The following ITGB6 variants were observed in gnomAD, a reference collection of about 807,000 sequenced individuals.
The protein encoded by ITGB6 is integrin beta-6.
Under a neutral mutation model 84.5 loss-of-function variants are expected in ITGB6, and 80 were observed. The ratio of observed to expected loss-of-function variants is 0.95; its 90% CI spans 0.79 to 1.14. ITGB6 has a LOEUF of 1.14. Among genes scored for constraint, ITGB6 ranks in the 50% most tolerant of loss-of-function variants. The pLI, the probability that ITGB6 is intolerant of heterozygous loss-of-function variation, is 0.00. For synonymous variants in ITGB6, 383 were observed against 354.9 expected (o/e 1.08, Z -0.89); for missense variants, 1,006 against 968.0 (o/e 1.04, Z -0.52).
At chr2:160,140,354 G>A (rs981389861) in intron 8 of ITGB6, among the ~76,000 whole-genome samples, 10 of 152,186 alleles carry the variant, frequency 6.6e-5, no homozygotes, top group Non-Finnish European at 1.0e-4. Context: ...TACCCTGTAA[G>A]TTGCGTGAAG....
intron 4 of ITGB6, among the ~76,000 whole-genome samples, chr2:160,195,101 C>T (rs1208049240): frequency 6.6e-6 from 1 of 152,188 alleles, no homozygotes; most frequent in African/African-American, 2.4e-5. Flanking sequence ...GTTCCCTCGC[C>T]TGCATAACAC....
At chr2:160,118,127 C>G (rs1270359016) in intron 12 of ITGB6, among the ~76,000 whole-genome samples, 8 of 152,082 alleles carry the variant, frequency 5.3e-5, no homozygotes, top group Non-Finnish European at 1.2e-4. Flanking sequence ...CTATTCCAAT[C>G]AATAGAAAAA....
intron 8 of ITGB6, among the ~76,000 whole-genome samples, chr2:160,141,114 G>A (rs1159084741): frequency 2.0e-5 from 3 of 152,010 alleles, no homozygotes; most frequent in South Asian, 2.1e-4. Context: ...CAGGAGAATT[G>A]TTATTCACTT....
intron 8 of ITGB6, among the ~76,000 whole-genome samples, chr2:160,141,140 C>T (rs1369499070): frequency 4.0e-5 from 6 of 151,816 alleles, no homozygotes. Context: ...TACATAGTTG[C>T]TGTTTACAGT....
intron 12 of ITGB6, among the ~76,000 whole-genome samples, chr2:160,119,527 A>C (rs1005786377): frequency 2.6e-5 from 4 of 152,042 alleles, no homozygotes; most frequent in Admixed American, 2.0e-4. Flanking sequence ...AAGATGGATT[A>C]AAGACTTACA....
At position 160,172,484 on chromosome 2, in the gene ITGB6, A is replaced by G. The variant is rs926025023; in HGVS notation, c.921+85T>C. On this transcript the variant is annotated intron_variant, in intron 6 of 14. Transcript: ENST00000283249. ...AATGTGCACTGCTTTCACCAAGTGTATGTTATTTCACATGTATTACACTAG... is the reference window on the plus strand; with the variant it reads ...AATGTGCACTGCTTTCACCAAGTGTGTGTTATTTCACATGTATTACACTAG... 4.8e-6 allele frequency: 6 copies of G among 1,258,652 alleles called. No individual in the cohort carries two copies. In the Admixed American group the frequency reaches 7.6e-5, roughly 16 times the overall value. 78.0% of individuals were successfully genotyped at this position (1,258,652 alleles called of 1,614,324 possible). A position where few individuals can be genotyped will look rare whatever the true frequency, so the allele number is the denominator to read the frequency against.
At chr2:160,140,444 T>C (rs986026516) in intron 8 of ITGB6, among the ~76,000 whole-genome samples, 8 of 152,160 alleles carry the variant, frequency 5.3e-5, no homozygotes, top group Admixed American at 3.9e-4. Flanking sequence ...GAGGGGGAAA[T>C]ATTTTTGACA....
chr2:160,132,313 T>G (rs886202891), intron 10 of ITGB6, among the ~76,000 whole-genome samples: 5 of 152,062 alleles, frequency 3.3e-5, no homozygotes, highest in African/African-American at 9.7e-5. Context: ...AGACCATAAA[T>G]TTTTCACTCT....
chr2:160,199,640 G>T (rs1686478811), intron 1 of ITGB6, among the ~76,000 whole-genome samples: 1 of 152,206 alleles, frequency 6.6e-6, no homozygotes, highest in Admixed American at 6.5e-5. Flanking sequence ...TTCTGTTTTT[G>T]AAATAAATCC....
intron 12 of ITGB6, among the ~76,000 whole-genome samples, chr2:160,120,850 G>A (rs1683002815): frequency 6.9e-6 from 1 of 144,818 alleles, no homozygotes; most frequent in Admixed American, 7.0e-5. Flanking sequence ...TCATAGGTGG[G>A]AATTGAACAA....
intron 7 of ITGB6, among the ~76,000 whole-genome samples, chr2:160,154,524 T>C (rs1489780088): frequency 1.3e-5 from 2 of 152,180 alleles, no homozygotes; most frequent in Non-Finnish European, 2.9e-5. Context: ...ATGGCACATG[T>C]ATACCTATGT....
intron 4 of ITGB6, among the ~76,000 whole-genome samples, chr2:160,175,696 T>A (rs965395037): frequency 1.3e-5 from 2 of 152,178 alleles, no homozygotes; most frequent in African/African-American, 4.8e-5. Context: ...CAGGCATGAG[T>A]TATAGTGCCT....
Position 160,200,120 on chromosome 2 carries a change from A to G in ITGB6, c.-57T>C. Reference sequence around the variant, plus strand: ...AAAAATGAATTACCTTCAGCGTTACAAGACCAACGCTGAATATCGTTAAAG... The same window carrying G: ...AAAAATGAATTACCTTCAGCGTTACGAGACCAACGCTGAATATCGTTAAAG... On this transcript the variant is annotated 5_prime_UTR_variant, in exon 1 of 15. Coordinates refer to ENST00000283249, the MANE Select transcript of ITGB6 (RefSeq NM_000888.5). 1 of 1,326,744 alleles carries G rather than the reference A, an allele frequency of 7.5e-7. No individual in the cohort carries two copies. The highest frequency in any genetic ancestry group is 1.2e-5 in the South Asian group (1 of 84,354). 82.2% of individuals were successfully genotyped at this position (1,326,744 alleles called of 1,614,324 possible). A position where few individuals can be genotyped will look rare whatever the true frequency, so the allele number is the denominator to read the frequency against.
In ITGB6 at chr2:160,169,868, C is replaced by T. The variant is rs532987072; in HGVS notation, c.922-561G>A. 7.2e-5 allele frequency among the ~76,000 whole-genome samples: 11 copies of T among 152,270 alleles called. No homozygotes were observed. In the East Asian group the frequency reaches 1.9e-3, roughly 27 times the overall value. On this transcript the variant is annotated intron_variant, in intron 6 of 14. Coordinates refer to ENST00000283249, the MANE Select transcript of ITGB6 (RefSeq NM_000888.5). Reference sequence around the variant, plus strand: ...ATATCACAAGTTGGTTGCATGGAATCGTGCAATATTTTTACAGGACAATTG... The same window carrying T: ...ATATCACAAGTTGGTTGCATGGAATTGTGCAATATTTTTACAGGACAATTG...
At chr2:160,186,094 T>C (rs190027091) in intron 4 of ITGB6, among the ~76,000 whole-genome samples, 2 of 152,108 alleles carry the variant, frequency 1.3e-5, no homozygotes, top group South Asian at 2.1e-4. Context: ...CCAAAAGCCA[T>C]GGCAATAAAA....
rs888701114 is a variant in ITGB6 at position 160,126,540 on chromosome 2, G to T, written c.1722C>A (p.Cys574Ter). 2.5e-6 allele frequency: 4 copies of T among 1,614,014 alleles called. No individual in the cohort carries two copies. Among genetic ancestry groups the T allele is most frequent in the Non-Finnish European group, 3.4e-6 (4 of 1,180,012 alleles). ...AGGAGTCCGTGCTGGTGGTGCAGTT[G>T]CAGTACTCGCCAGTCCAGCCGCTCC... ...VCRSGWTGEY[C>*]NCTTSTDSCV... The change falls in exon 11 of 15, where the codon TGC (cysteine) becomes TGA (stop). Residue 574 changes from cysteine to a stop codon, truncating the protein, a stop_gained. Coordinates refer to ENST00000283249, the MANE Select transcript of ITGB6 (RefSeq NM_000888.5). LOFTEE classifies it high-confidence loss of function.
In ITGB6 at chr2:160,149,343, A is replaced by G. The variant is rs190713609; in HGVS notation, c.1018-7272T>C. On this transcript the variant is annotated intron_variant, in intron 7 of 14. Transcript: ENST00000283249. ...TGGAGTGGAACTCCAGCAAACTCCA[A>G]CACACCTGCAGCTGAGGGACATGAC... is the stretch of plus-strand genomic sequence containing the variant. 3.9e-5 allele frequency among the ~76,000 whole-genome samples: 6 copies of G among 152,314 alleles called. No homozygotes were observed. The East Asian group carries it at 1.2e-3, about 29-fold the overall frequency.
rs775725788 is a variant in ITGB6, at chr2:160,101,756, C to T, written c.2347G>A (p.Asp783Asn). Reference sequence around the variant, plus strand: ...TAGTTCTAGCAATCTGTGGAAAGGTCTACCTTTTGTTTTTCCCTGTGTTTA... The same window carrying T: ...TAGTTCTAGCAATCTGTGGAAAGGTTTACCTTTTGTTTTTCCCTGTGTTTA... ...TYKHREKQKVDLSTDC is the reference protein window; with the variant it reads ...TYKHREKQKVNLSTDC Residue 783 changes from aspartate to asparagine, a missense_variant, in exon 15 of 15, where the codon GAC becomes AAC. Asp to Asn is a conservative substitution (Grantham distance 23, BLOSUM62 1). Coordinates refer to ENST00000283249, the MANE Select transcript of ITGB6 (RefSeq NM_000888.5). 1 of 1,582,638 alleles carries T rather than the reference C, an allele frequency of 6.3e-7. No individual in the cohort carries two copies. The highest frequency in any genetic ancestry group is 1.1e-5 in the South Asian group (1 of 90,314).
At chr2:160,182,578 T>G (rs1365455855) in intron 4 of ITGB6, among the ~76,000 whole-genome samples, 1 of 152,166 alleles carries the variant, frequency 6.6e-6, no homozygotes, top group Non-Finnish European at 1.5e-5. Context: ...TTCAGGATAT[T>G]ATCCAGGAGA....
Sources: gnomAD v4.1 joint callset for allele counts (sites outside exome capture counted in the v4.1 genomes callset) on GRCh38, gnomAD v4.1.1 for gene constraint, MANE v1.5 for transcripts, NCBI Gene and HGNC (gene_info 2026-07-23, HGNC 2026-07-21) for gene names.